ACAT1: variants seen among roughly 807,000 people sequenced by gnomAD.
ACAT1 encodes acetyl-CoA acetyltransferase 1, also known as acetyl-CoA acetyltransferase, mitochondrial.
ACAT1 carries 28 observed loss-of-function variants against 47.3 expected under a neutral mutation model. The observed-to-expected ratio is 0.59, with a 90% CI of 0.44 to 0.81. The LOEUF is 0.81. Among genes scored for constraint, ACAT1 ranks in the 30% least tolerant of loss-of-function variants. ACAT1 has a pLI of 0.00. For missense variants in ACAT1, 469 were observed against 524.3 expected, an observed-to-expected ratio of 0.89 and a Z score of 1.03; for synonymous variants, 181 against 173.6, an observed-to-expected ratio of 1.04 and a Z score of -0.34.
chr11:108,131,372 T>TTTTTTTTTTTTTTTTTTTTA (rs1555031491), intron 1 of ACAT1, among the ~76,000 whole-genome samples: 1 of 142,360 alleles, frequency 7.0e-6, no homozygotes, highest in African/African-American at 2.6e-5. Context: ...TTTTTTTTTT[T>TTTTTTTTTTTTTTTTTTTTA]AGACAGTCTT....
At chr11:108,145,797 C>T (rs976311320) in intron 10 of ACAT1, among the ~76,000 whole-genome samples, 1 of 152,202 alleles carries the variant, frequency 6.6e-6, no homozygotes, top group African/African-American at 2.4e-5. Context: ...GTAATCCCAG[C>T]ACTTTGGGAG....
chr11:108,139,034 T>A lies in ACAT1; in HGVS notation c.572T>A (p.Ile191Asn). 1 of 1,614,178 alleles carries A rather than the reference T, an allele frequency of 6.2e-7. No homozygotes were observed. ...GGGCTAACTGATGTCTACAATAAAA[T>A]TCATATGGTAAATGTGATTTTTAGT... ...KDGLTDVYNK[I>N]HMGSCAENTA... The change falls in exon 6 of 12, where the codon ATT becomes AAT. Residue 191 changes from isoleucine to asparagine, a missense_variant. Coordinates refer to ENST00000265838, the MANE Select transcript of ACAT1 (RefSeq NM_000019.4).
chr11:108,127,144 G>A (rs1299219695), intron 1 of ACAT1, among the ~76,000 whole-genome samples: 1 of 151,436 alleles, frequency 6.6e-6, no homozygotes, highest in East Asian at 2.0e-4. Context: ...GTTGGAAATT[G>A]AGAGCTATGA....
At position 108,134,372 on chromosome 11, in the gene ACAT1, C is replaced by CG. The variant is rs1447652697; in HGVS notation, c.334+58dup. On this transcript the variant is annotated intron_variant, in intron 4 of 11. Coordinates refer to ENST00000265838, the MANE Select transcript of ACAT1 (RefSeq NM_000019.4). ...TAAAATGTGTAAAAGGGGCCGGGTG[C>CG]GGTGGCTCATGCCTGTAATCCCAGC... 298 of 1,412,960 alleles carry CG rather than the reference C, an allele frequency of 2.1e-4. 8 individuals carry two copies. The Middle Eastern group carries it at 2.7e-3, about 13-fold the overall frequency. The allele number at this position is 1,412,960 out of a possible 1,614,324, so 87.5% of individuals were successfully genotyped here. A position where few individuals can be genotyped will look rare whatever the true frequency, so the allele number is the denominator to read the frequency against.
upstream of ACAT1, among the ~76,000 whole-genome samples, chr11:108,117,178 G>A (rs1326815458): frequency 6.6e-6 from 1 of 152,008 alleles, no homozygotes; most frequent in Non-Finnish European, 1.5e-5. Context: ...GGTGGGCATG[G>A]TGACACACGT....
chr11:108,147,029 G>C (rs2077727766), intron 11 of ACAT1, among the ~76,000 whole-genome samples: 1 of 152,184 alleles, frequency 6.6e-6, no homozygotes, highest in Non-Finnish European at 1.5e-5. Flanking sequence ...GCAGTGAGCT[G>C]AGATTCTGCC....
chr11:108,139,465 G>T (rs1190355022), intron 6 of ACAT1, among the ~76,000 whole-genome samples: 2 of 151,750 alleles, frequency 1.3e-5, no homozygotes, highest in Non-Finnish European at 2.9e-5. Context: ...TGGTGGTGGT[G>T]TCTGTAATCC....
chr11:108,132,964 C>T (rs2077393362), intron 2 of ACAT1, among the ~76,000 whole-genome samples: 1 of 150,744 alleles, frequency 6.6e-6, no homozygotes, highest in Non-Finnish European at 1.5e-5. Flanking sequence ...GTGCGTGGAT[C>T]ACCTGAGGTT....
chr11:108,143,273 GTC>G (rs917578726), intron 9 of ACAT1: 1 of 152,134 alleles, frequency 6.6e-6, no homozygotes, highest in Non-Finnish European at 1.5e-5. Context: ...GCAAGATCTT[GTC>G]TCTTTTTCTT....
intron 10 of ACAT1, among the ~76,000 whole-genome samples, chr11:108,145,061 C>T (rs1670164393): frequency 6.6e-6 from 1 of 152,044 alleles, no homozygotes; most frequent in African/African-American, 2.4e-5. Flanking sequence ...TATTATCGCT[C>T]ACAACAATCA....
intron 1 of ACAT1, among the ~76,000 whole-genome samples, chr11:108,122,800 G>A (rs868866796): frequency 6.6e-6 from 1 of 152,034 alleles, no homozygotes; most frequent in Non-Finnish European, 1.5e-5. Flanking sequence ...GATGAGTGAA[G>A]AAATCACAAG....
intron 8 of ACAT1, 69 bp from the exon 9 acceptor site, chr11:108,142,368 T>C: frequency 8.4e-7 from 1 of 1,196,634 alleles, no homozygotes; most frequent in East Asian, 2.5e-5. Flanking sequence ...CAATAGGTAT[T>C]TGTTGAATTG....
intron 6 of ACAT1, 60 bp downstream of exon 6, chr11:108,139,101 TACTC>T: frequency 6.3e-7 from 1 of 1,592,254 alleles, no homozygotes; most frequent in Non-Finnish European, 8.6e-7. Flanking sequence ...TGATTTTTCT[TACTC>T]TATGTACTTT....
intron 3 of ACAT1, 101 bp from the exon 4 acceptor site, chr11:108,134,120 A>G: frequency 7.9e-7 from 1 of 1,263,006 alleles, no homozygotes; most frequent in Admixed American, 2.0e-5. Flanking sequence ...GACAAAAAAA[A>G]GAAACCATTC....
Position 108,121,595 on chromosome 11 carries a change from C to A in ACAT1, c.-12C>A, listed in dbSNP as rs112219560. 5.8e-6 allele frequency: 9 copies of A among 1,550,394 alleles called. No homozygotes were observed. The highest frequency in any genetic ancestry group is 2.7e-5 in the African/African-American group (2 of 73,214). ...CTACGCCTGTGGAGCCGATACTCAG[C>A]CCTCTGCGACCATGGCTGTGCTGGC... On this transcript the variant is annotated 5_prime_UTR_variant, in exon 1 of 12. Coordinates refer to ENST00000265838, the MANE Select transcript of ACAT1 (RefSeq NM_000019.4).
chr11:108,134,870 A>C (rs563433928), intron 4 of ACAT1, among the ~76,000 whole-genome samples: 1 of 139,634 alleles, frequency 7.2e-6, no homozygotes, highest in East Asian at 2.4e-4. Context: ...GCGTGAACCC[A>C]GGAGGTGGAG....
Position 108,138,982 on chromosome 11 carries a change from A to C in ACAT1, c.520A>C (p.Lys174Gln). The C allele has an allele frequency of 6.2e-7, 1 of 1,614,176 alleles. No individual in the cohort carries two copies. The highest frequency in any genetic ancestry group is 1.7e-5 in the Admixed American group (1 of 60,008). ...NRGSTPYGGV[K>Q]LEDLIVKDGL... The stretch of plus-strand genomic sequence containing the variant: ...AGGATCAACACCATATGGTGGGGTA[A>C]AGCTTGAAGATTTGATTGTAAAAGA... The change falls in exon 6 of 12, where the codon AAG (lysine) becomes CAG (glutamine). Residue 174 changes from lysine (K) to glutamine (Q), a missense_variant. Coordinates refer to ENST00000265838, the MANE Select transcript of ACAT1 (RefSeq NM_000019.4).
At chr11:108,118,521 G>T (rs59688896), upstream of ACAT1, among the ~76,000 whole-genome samples, 3 of 151,682 alleles carry the variant, frequency 2.0e-5, no homozygotes, top group South Asian at 6.2e-4. Context: ...ACTACAGGTG[G>T]CCCCCTCCAT....
upstream of ACAT1, among the ~76,000 whole-genome samples, chr11:108,119,019 A>C (rs2077107623): frequency 6.6e-6 from 1 of 152,194 alleles, no homozygotes; most frequent in Admixed American, 6.5e-5. Context: ...CCTAGCAACC[A>C]GACTGCCTAG....
Sources: gnomAD v4.1 joint callset for allele counts (sites outside exome capture counted in the v4.1 genomes callset) on GRCh38, gnomAD v4.1.1 for gene constraint, MANE v1.5 for transcripts, NCBI Gene and HGNC (gene_info 2026-07-23, HGNC 2026-07-21) for gene names.